The following GSK3B variants were observed in gnomAD, a reference collection of about 807,000 sequenced individuals.
GSK3B encodes the protein glycogen synthase kinase 3 beta.
GSK3B carries 15 observed loss-of-function variants against 56.4 expected under a neutral mutation model. The observed-to-expected ratio is 0.27, with a 90% CI of 0.18 to 0.41. The LOEUF (loss-of-function observed/expected upper bound fraction) is 0.41, where lower values mean the gene tolerates loss of function less well. Ranked by LOEUF, GSK3B falls within the 10% of genes least tolerant of loss-of-function variation. GSK3B has a pLI of 1.00. For missense variants in GSK3B, 300 were observed against 513.4 expected (o/e 0.58, Z 4.02); for synonymous variants, 181 against 188.9 (o/e 0.96, Z 0.34).
intron 1 of GSK3B, among the ~76,000 whole-genome samples, chr3:120,075,984 C>A (rs1443574947): frequency 6.6e-6 from 1 of 151,870 alleles, no homozygotes; most frequent in Non-Finnish European, 1.5e-5. Flanking sequence ...AATTACAAAG[C>A]AACTATAATC....
intron 1 of GSK3B, chr3:120,029,136 T>C: frequency 1.4e-6 from 1 of 708,078 alleles, no homozygotes; most frequent in Non-Finnish European, 2.5e-6. Flanking sequence ...ATTTTGATGA[T>C]ATAAAAGCTG....
chr3:119,865,033 C>A (rs1419109360), intron 8 of GSK3B, among the ~76,000 whole-genome samples: 1 of 152,108 alleles, frequency 6.6e-6, no homozygotes, highest in African/African-American at 2.4e-5. Context: ...GAGTTACTGT[C>A]GAATTTGAAA....
Position 119,824,145 on chromosome 3 carries a change from T to C in GSK3B, c.*2643A>G, listed in dbSNP as rs1474430380. The C allele has an allele frequency of 5.0e-6, 1 of 200,738 alleles. No homozygotes were observed. The highest frequency in any genetic ancestry group is 1.0e-5 in the Non-Finnish European group (1 of 97,376). 12.4% of individuals were successfully genotyped at this position (200,738 alleles called of 1,614,324 possible). A position where few individuals can be genotyped will look rare whatever the true frequency, so the allele number is the denominator to read the frequency against. The stretch of plus-strand genomic sequence containing the variant: ...CAGTTCCTGGGTCCACATATTTACA[T>C]ACAAAACAATAAAACTTAAATTTAA... On this transcript the variant is annotated 3_prime_UTR_variant, in exon 11 of 11. Transcript: ENST00000264235.
intron 7 of GSK3B, among the ~76,000 whole-genome samples, chr3:119,888,361 A>G (rs767580197): frequency 9.9e-5 from 15 of 152,138 alleles, no homozygotes; most frequent in Non-Finnish European, 1.9e-4. Flanking sequence ...ATACTCTTAT[A>G]ATTTCTTAAG....
At chr3:120,028,956 C>G (rs1230626095) in intron 1 of GSK3B, 1 of 569,808 alleles carries the variant, frequency 1.8e-6, no homozygotes, top group Non-Finnish European at 3.3e-6. Flanking sequence ...GTGAAGCATA[C>G]AAGAGAAGTG....
chr3:119,995,512 T>A (rs1177026623), intron 2 of GSK3B, among the ~76,000 whole-genome samples: 1 of 151,934 alleles, frequency 6.6e-6, no homozygotes, highest in Non-Finnish European at 1.5e-5. Flanking sequence ...GTCACCAGGC[T>A]GGAGTGCAGT....
At chr3:119,868,274 T>C (rs1015274358) in intron 8 of GSK3B, among the ~76,000 whole-genome samples, 1 of 152,012 alleles carries the variant, frequency 6.6e-6, no homozygotes, top group African/African-American at 2.4e-5. Context: ...TCAACTCCCA[T>C]CACAAATACT....
intron 2 of GSK3B, among the ~76,000 whole-genome samples, chr3:119,957,408 T>C (rs989198094): frequency 1.3e-5 from 2 of 152,318 alleles, no homozygotes; most frequent in African/African-American, 4.8e-5. Flanking sequence ...CTGCATGAAC[T>C]AAGGGAATAA....
At chr3:120,027,102 C>T (rs1482134802) in intron 1 of GSK3B, among the ~76,000 whole-genome samples, 7 of 150,174 alleles carry the variant, frequency 4.7e-5, no homozygotes, top group Non-Finnish European at 8.9e-5. Flanking sequence ...CGGCCAGGCA[C>T]GGTGGCTCAC....
chr3:119,865,216 A>G (rs952539799), intron 8 of GSK3B, among the ~76,000 whole-genome samples: 2 of 151,942 alleles, frequency 1.3e-5, no homozygotes, highest in African/African-American at 4.8e-5. Flanking sequence ...GTTTGATAGT[A>G]TATGGATTTA....
At chr3:119,870,217 G>A in intron 8 of GSK3B, among the ~76,000 whole-genome samples, 1 of 152,206 alleles carries the variant, frequency 6.6e-6, no homozygotes, top group African/African-American at 2.4e-5. Flanking sequence ...ACAGCCATGT[G>A]GAACACCTCT....
intron 2 of GSK3B, among the ~76,000 whole-genome samples, chr3:119,976,677 T>A (rs1009498031): frequency 6.6e-6 from 1 of 150,932 alleles, no homozygotes; most frequent in Non-Finnish European, 1.5e-5. Context: ...ATGAGTTATA[T>A]CCTTTAAAAG....
intron 3 of GSK3B, among the ~76,000 whole-genome samples, chr3:119,933,852 G>C (rs2056969740): frequency 6.6e-6 from 1 of 152,168 alleles, no homozygotes; most frequent in African/African-American, 2.4e-5. Flanking sequence ...ACTCCAGCCT[G>C]ATAGGCAGAG....
intron 1 of GSK3B, among the ~76,000 whole-genome samples, chr3:120,055,806 A>G (rs2107547069): frequency 6.6e-6 from 1 of 152,324 alleles, no homozygotes; most frequent in East Asian, 1.9e-4. Flanking sequence ...TGGAGAGGGT[A>G]GGCAGGAGAG....
At chr3:119,967,692 T>A (rs1360973912) in intron 2 of GSK3B, among the ~76,000 whole-genome samples, 2 of 152,200 alleles carry the variant, frequency 1.3e-5, no homozygotes, top group African/African-American at 4.8e-5. Flanking sequence ...GATATTCAGC[T>A]GTAAAGGACT....
At position 120,093,664 on chromosome 3, in the gene GSK3B, G is replaced by A. The variant is rs1195279214; in HGVS notation, c.-230C>T. On this transcript the variant is annotated 5_prime_UTR_variant, in exon 1 of 11. Transcript: ENST00000264235. ...CGGCACGGATATTTAACATATAGAT[G>A]ATTTAGGACTTGGGAAAAAATACAA... The A allele has an allele frequency of 2.4e-6, 1 of 409,622 alleles. No individual in the cohort carries two copies. Among genetic ancestry groups the A allele is most frequent in the African/African-American group, 2.0e-5 (1 of 49,952 alleles). The allele number at this position is 409,622 out of a possible 1,614,324, so 25.4% of individuals were successfully genotyped here. A position where few individuals can be genotyped will look rare whatever the true frequency, so the allele number is the denominator to read the frequency against.
At chr3:119,976,834 T>C (rs1667786048) in intron 2 of GSK3B, among the ~76,000 whole-genome samples, 1 of 148,718 alleles carries the variant, frequency 6.7e-6, no homozygotes, top group Admixed American at 6.7e-5. Context: ...TAACTCCTGA[T>C]ATTCAATACT....
At chr3:119,973,944 T>A (rs969341184) in intron 2 of GSK3B, among the ~76,000 whole-genome samples, 2 of 152,146 alleles carry the variant, frequency 1.3e-5, no homozygotes, top group African/African-American at 4.8e-5. Flanking sequence ...ACCTTATACC[T>A]TTCACAAAAA....
At chr3:120,014,132 CAAA>C (rs886541816) in intron 1 of GSK3B, among the ~76,000 whole-genome samples, 10 of 77,470 alleles carry the variant, frequency 1.3e-4, no homozygotes, top group African/African-American at 2.2e-4. Flanking sequence ...GAGACTCTGT[CAAA>C]AAAAAAAAAA....
Sources: allele counts gnomAD v4.1 joint callset (sites outside exome capture counted in the v4.1 genomes callset), GRCh38; gene constraint gnomAD v4.1.1; transcripts MANE v1.5; gene names NCBI Gene and HGNC (gene_info 2026-07-23, HGNC 2026-07-21).